ADGRL3: variants seen among roughly 807,000 people sequenced by gnomAD.
The protein encoded by ADGRL3 is adhesion G protein-coupled receptor L3, also known as calcium-independent alpha-latrotoxin receptor 3.
ADGRL3 carries 62 observed loss-of-function variants against 153.5 expected under a neutral mutation model. The observed-to-expected ratio is 0.40, with a 90% CI of 0.33 to 0.50. The LOEUF (loss-of-function observed/expected upper bound fraction) is 0.50. Among genes scored for constraint, ADGRL3 ranks in the 20% least tolerant of loss-of-function variants. ADGRL3 has a pLI of 0.47. For synonymous variants in ADGRL3, 710 were observed against 672.5 expected, an observed-to-expected ratio of 1.06 and a Z score of -0.86; for missense variants, 1,641 against 1,859.4, an observed-to-expected ratio of 0.88 and a Z score of 2.16.
At chr4:61,291,683 T>C (rs1045826168) in intron 1 of ADGRL3, among the ~76,000 whole-genome samples, 2 of 148,984 alleles carry the variant, frequency 1.3e-5, no homozygotes, top group African/African-American at 5.0e-5. Flanking sequence ...AGAAAATGAA[T>C]GAATGGTTTA....
intron 19 of ADGRL3, among the ~76,000 whole-genome samples, chr4:61,990,100 A>G (rs1053857267): frequency 2.6e-5 from 4 of 152,120 alleles, no homozygotes; most frequent in Middle Eastern, 3.2e-3. Context: ...GCAAGAGTTT[A>G]TAGCAGCATT....
chr4:61,837,743 A>G (rs948463322), intron 9 of ADGRL3, among the ~76,000 whole-genome samples: 2 of 152,160 alleles, frequency 1.3e-5, no homozygotes, highest in Non-Finnish European at 2.9e-5. Context: ...CTTCATGCCA[A>G]CTGTGAAGTT....
chr4:61,435,506 G>A (rs546141772), intron 2 of ADGRL3, among the ~76,000 whole-genome samples: 76 of 152,098 alleles, frequency 5.0e-4, no homozygotes, highest in African/African-American at 1.6e-3. Context: ...GCCCATTACC[G>A]GTGTGAAAAT....
chr4:61,483,105 C>T (rs1251934731), intron 2 of ADGRL3, among the ~76,000 whole-genome samples: 9 of 152,070 alleles, frequency 5.9e-5, no homozygotes, highest in Non-Finnish European at 1.3e-4. Flanking sequence ...CTCTTCATAA[C>T]TTTCACATTT....
At chr4:61,590,961 T>C (rs2149395525) in intron 5 of ADGRL3, among the ~76,000 whole-genome samples, 1 of 152,288 alleles carries the variant, frequency 6.6e-6, no homozygotes, top group Non-Finnish European at 1.5e-5. Flanking sequence ...ATAATATGCC[T>C]ACAGAAAATT....
intron 21 of ADGRL3, among the ~76,000 whole-genome samples, chr4:62,007,209 C>G (rs748678360): frequency 2.7e-5 from 4 of 150,738 alleles, no homozygotes; most frequent in Non-Finnish European, 5.9e-5. Context: ...AAATATTCCT[C>G]AGAAGCCCCT....
chr4:61,235,067 C>T (rs1201358376), intron 1 of ADGRL3, among the ~76,000 whole-genome samples: 4 of 152,104 alleles, frequency 2.6e-5, no homozygotes, highest in Non-Finnish European at 4.4e-5. Context: ...CTCTTGTGCA[C>T]ATGTAGATAA....
At chr4:61,324,088 A>T (rs2095418723) in intron 1 of ADGRL3, among the ~76,000 whole-genome samples, 1 of 152,142 alleles carries the variant, frequency 6.6e-6, no homozygotes, top group Non-Finnish European at 1.5e-5. Flanking sequence ...TTTTAAAACC[A>T]TCAGATCTCG....
chr4:61,373,224 T>A (rs1011090202), intron 1 of ADGRL3, among the ~76,000 whole-genome samples: 3 of 152,198 alleles, frequency 2.0e-5, no homozygotes, highest in Non-Finnish European at 4.4e-5. Context: ...CCGGAGCTGT[T>A]CCTATTCGGC....
chr4:61,745,918 T>A (rs1383433776), intron 8 of ADGRL3, among the ~76,000 whole-genome samples: 6 of 152,118 alleles, frequency 3.9e-5, no homozygotes, highest in African/African-American at 1.2e-4. Context: ...GACTGGCAAA[T>A]TGGATAAAGA....
chr4:61,651,251 C>T (rs1018707149), intron 5 of ADGRL3, among the ~76,000 whole-genome samples: 3 of 152,108 alleles, frequency 2.0e-5, no homozygotes, highest in African/African-American at 7.2e-5. Context: ...TAATTGCTAT[C>T]TCCAAACAGC....
chr4:62,059,202 A>G (rs1277353491), intron 25 of ADGRL3, among the ~76,000 whole-genome samples: 2 of 152,100 alleles, frequency 1.3e-5, no homozygotes, highest in African/African-American at 2.4e-5. Flanking sequence ...ATGGAAAAGT[A>G]TTTAATTCTT....
chr4:61,573,735 GA>G (rs2098848608), intron 4 of ADGRL3, among the ~76,000 whole-genome samples: 1 of 151,992 alleles, frequency 6.6e-6, no homozygotes, highest in African/African-American at 2.4e-5. Context: ...AGAATGAAAT[GA>G]AAAATACTTC....
At chr4:61,406,888 A>G (rs2097006642) in intron 2 of ADGRL3, among the ~76,000 whole-genome samples, 1 of 152,068 alleles carries the variant, frequency 6.6e-6, no homozygotes, top group Non-Finnish European at 1.5e-5. Context: ...TTCAGCTAAT[A>G]ACAGTATGCT....
intron 19 of ADGRL3, among the ~76,000 whole-genome samples, chr4:61,992,633 A>G (rs923192730): frequency 6.6e-5 from 10 of 152,336 alleles, no homozygotes. Context: ...ATGATTTACT[A>G]AGTACATTTT....
chr4:61,689,484 A>G (rs2095501987), intron 6 of ADGRL3, among the ~76,000 whole-genome samples: 1 of 152,192 alleles, frequency 6.6e-6, no homozygotes, highest in African/African-American at 2.4e-5. Context: ...ATAGTCAATG[A>G]TTATACAATT....
At chr4:61,880,650 T>C (rs2098503479) in intron 9 of ADGRL3, among the ~76,000 whole-genome samples, 1 of 152,232 alleles carries the variant, frequency 6.6e-6, no homozygotes. Context: ...TAAGAAGAAC[T>C]GTATAGTTTA....
At chr4:61,646,179 C>A (rs1395866353) in intron 5 of ADGRL3, among the ~76,000 whole-genome samples, 1 of 151,964 alleles carries the variant, frequency 6.6e-6, no homozygotes, top group South Asian at 2.1e-4. Context: ...TCTAGTTATA[C>A]ATTCTTCTAA....
At chr4:61,313,508 T>C (rs534121015) in intron 1 of ADGRL3, among the ~76,000 whole-genome samples, 2 of 152,188 alleles carry the variant, frequency 1.3e-5, no homozygotes, top group Non-Finnish European at 2.9e-5. Flanking sequence ...CCAGGTATTA[T>C]ATGGGAACTC....
Sources: gnomAD v4.1 joint callset for allele counts (sites outside exome capture counted in the v4.1 genomes callset) on GRCh38, gnomAD v4.1.1 for gene constraint, MANE v1.5 for transcripts, NCBI Gene and HGNC (gene_info 2026-07-23, HGNC 2026-07-21) for gene names.